Variants in TTC28 observed in about 807,000 individuals in gnomAD.
The protein encoded by TTC28 is tetratricopeptide repeat protein 28.
A neutral mutation model predicts 198.0 loss-of-function variants in TTC28; 61 were observed. That is an observed-to-expected ratio of 0.31 (90% CI 0.25 to 0.38). The LOEUF (loss-of-function observed/expected upper bound fraction) is 0.38. Ranked by LOEUF, TTC28 falls within the 10% of genes least tolerant of loss-of-function variation. The pLI, the probability that TTC28 is intolerant of heterozygous loss-of-function variation, is 1.00. For missense variants in TTC28, 2,678 were observed against 3,164.0 expected, an observed-to-expected ratio of 0.85 and a Z score of 3.69; for synonymous variants, 1,171 against 1,297.8, an observed-to-expected ratio of 0.90 and a Z score of 2.10.
rs150704887 is a variant in TTC28, at chr22:28,542,726, T to G, written c.381+86826A>C. On this transcript the variant is annotated intron_variant, in intron 2 of 22. Coordinates refer to ENST00000397906, the MANE Select transcript of TTC28 (RefSeq NM_001145418.2). The stretch of plus-strand genomic sequence containing the variant: ...CACGTAAGAGATAACAGAAAAGATT[T>G]TGAAGTAGTTGAAAATGAAAACACA... Among the ~76,000 whole-genome samples, 896 of 152,208 alleles carry G rather than the reference T, an allele frequency of 5.9e-3. 3 individuals carry two copies. Among genetic ancestry groups the G allele is most frequent in the Middle Eastern group, 0.01 (3 of 294 alleles).
intron 19 of TTC28, 44 bp from the exon 20 acceptor site, chr22:27,990,856 AAG>A: frequency 6.5e-7 from 1 of 1,535,414 alleles, no homozygotes; most frequent in Non-Finnish European, 8.8e-7. Context: ...AGAGAGAAAG[AAG>A]AGAGTTTAGA....
In TTC28 at chr22:28,431,705, C is replaced by A. The variant is rs147755722; in HGVS notation, c.382-125062G>T. 5.3e-5 allele frequency among the ~76,000 whole-genome samples: 8 copies of A among 152,326 alleles called. No homozygotes were observed. The East Asian group carries it at 1.5e-3, about 29-fold the overall frequency. ...AAATATCAGTAATATAGGCCAAGCA[C>A]AGTGCCGCACGCCTGTAATCCCAGC... On this transcript the variant is annotated intron_variant, in intron 2 of 22. Coordinates refer to ENST00000397906, the MANE Select transcript of TTC28 (RefSeq NM_001145418.2).
intron 13 of TTC28, among the ~76,000 whole-genome samples, chr22:28,025,167 T>C (rs1938779210): frequency 6.6e-6 from 1 of 152,170 alleles, no homozygotes; most frequent in Non-Finnish European, 1.5e-5. Flanking sequence ...TATCAGTTTC[T>C]TGGTGGAGAT....
At chr22:28,359,624 AGT>A (rs764558248) in intron 2 of TTC28, among the ~76,000 whole-genome samples, 6 of 152,204 alleles carry the variant, frequency 3.9e-5, no homozygotes, top group Non-Finnish European at 5.9e-5. Context: ...AGTAACAAGT[AGT>A]AAGTATATGG....
intron 5 of TTC28, among the ~76,000 whole-genome samples, chr22:28,265,541 A>C (rs1457754458): frequency 6.6e-6 from 1 of 152,178 alleles, no homozygotes; most frequent in Non-Finnish European, 1.5e-5. Context: ...GGGACACAAG[A>C]GAAGCTTAGT....
chr22:28,300,026 C>G (rs2044987149), intron 3 of TTC28, among the ~76,000 whole-genome samples: 1 of 152,156 alleles, frequency 6.6e-6, no homozygotes, highest in African/African-American at 2.4e-5. Context: ...CAACCAAACA[C>G]AGGACACCAC....
chr22:28,550,111 T>C (rs911553646), intron 2 of TTC28, among the ~76,000 whole-genome samples: 5 of 152,146 alleles, frequency 3.3e-5, no homozygotes, highest in East Asian at 1.9e-4. Flanking sequence ...GTCTAACAGA[T>C]AACATTTGCC....
chr22:28,111,902 G>A (rs1039101802), intron 6 of TTC28, among the ~76,000 whole-genome samples: 2 of 152,090 alleles, frequency 1.3e-5, no homozygotes, highest in Admixed American at 1.3e-4. Context: ...GGTCTCCTTG[G>A]ACGCTCCCCA....
At chr22:28,602,627 A>G (rs1039962909) in intron 2 of TTC28, among the ~76,000 whole-genome samples, 2 of 152,234 alleles carry the variant, frequency 1.3e-5, no homozygotes, top group African/African-American at 4.8e-5. Context: ...AAAGATACAC[A>G]AAAGTCCTTT....
chr22:28,413,395 G>C (rs2047116523), intron 2 of TTC28, among the ~76,000 whole-genome samples: 1 of 152,066 alleles, frequency 6.6e-6, no homozygotes, highest in Non-Finnish European at 1.5e-5. Context: ...CCTAGATTGC[G>C]CGACTGAGCG....
chr22:28,041,521 G>A (rs1423019309), intron 12 of TTC28, among the ~76,000 whole-genome samples: 3 of 152,176 alleles, frequency 2.0e-5, no homozygotes, highest in Non-Finnish European at 4.4e-5. Flanking sequence ...GGGAAAACTG[G>A]CTAGCCATAT....
intron 5 of TTC28, among the ~76,000 whole-genome samples, chr22:28,229,641 G>A (rs1216900971): frequency 6.6e-6 from 1 of 152,162 alleles, no homozygotes; most frequent in Non-Finnish European, 1.5e-5. Context: ...GAGGCAACAA[G>A]CAGCTTCCTA....
intron 2 of TTC28, among the ~76,000 whole-genome samples, chr22:28,503,957 G>A (rs960361482): frequency 2.0e-5 from 3 of 152,122 alleles, no homozygotes; most frequent in Admixed American, 6.5e-5. Flanking sequence ...GCTAAAGAAT[G>A]GATCAATAGT....
chr22:28,216,936 T>G (rs1326868045), intron 5 of TTC28, among the ~76,000 whole-genome samples: 1 of 152,002 alleles, frequency 6.6e-6, no homozygotes, highest in Non-Finnish European at 1.5e-5. Flanking sequence ...CCCAGGCTAG[T>G]TTTCTCCTGG....
intron 2 of TTC28, among the ~76,000 whole-genome samples, chr22:28,408,098 A>C (rs2047026996): frequency 6.6e-6 from 1 of 152,188 alleles, no homozygotes; most frequent in Non-Finnish European, 1.5e-5. Flanking sequence ...ACACATTTTT[A>C]TAGAGTAGAC....
At chr22:28,015,276 T>A (rs1050972239) in intron 13 of TTC28, among the ~76,000 whole-genome samples, 1 of 152,200 alleles carries the variant, frequency 6.6e-6, no homozygotes, top group East Asian at 1.9e-4. Flanking sequence ...GCTGCCCACG[T>A]GCATCCTCTC....
chr22:28,525,141 CA>C (rs2048981876), intron 2 of TTC28, among the ~76,000 whole-genome samples: 1 of 151,822 alleles, frequency 6.6e-6, no homozygotes, highest in Admixed American at 6.6e-5. Flanking sequence ...TCTTTTAATC[CA>C]AAGTTTGGGG....
chr22:28,396,801 T>TG (rs1213266806), intron 2 of TTC28, among the ~76,000 whole-genome samples: 1 of 152,192 alleles, frequency 6.6e-6, no homozygotes, highest in East Asian at 1.9e-4. Flanking sequence ...CTAAACAAAA[T>TG]GCTGCATTCA....
At chr22:28,412,258 T>A (rs1196426147) in intron 2 of TTC28, among the ~76,000 whole-genome samples, 1 of 152,088 alleles carries the variant, frequency 6.6e-6, no homozygotes. Flanking sequence ...ACAAACTGCC[T>A]CAGGTTGCTT....
Sources: allele counts gnomAD v4.1 joint callset (sites outside exome capture counted in the v4.1 genomes callset), GRCh38; gene constraint gnomAD v4.1.1; transcripts MANE v1.5; gene names NCBI Gene and HGNC (gene_info 2026-07-23, HGNC 2026-07-21).